ANXA4: variants seen among roughly 807,000 people sequenced by gnomAD.
ANXA4 encodes the protein annexin A4.
ANXA4 carries 39 observed loss-of-function variants against 49.8 expected under a neutral mutation model. That is an observed-to-expected ratio of 0.78 (90% CI 0.61 to 1.02). ANXA4 has a LOEUF of 1.02. Among genes scored for constraint, ANXA4 ranks in the 50% least tolerant of loss-of-function variants. The pLI, the probability that ANXA4 is intolerant of heterozygous loss-of-function variation, is 0.00. For synonymous variants in ANXA4, 134 were observed against 152.5 expected, an observed-to-expected ratio of 0.88 and a Z score of 0.89; for missense variants, 360 against 410.1, an observed-to-expected ratio of 0.88 and a Z score of 1.05.
intron 2 of ANXA4, among the ~76,000 whole-genome samples, chr2:69,681,184 A>G (rs989416271): frequency 1.3e-5 from 2 of 152,054 alleles, no homozygotes; most frequent in Non-Finnish European, 2.9e-5. Flanking sequence ...TTCATTACTC[A>G]TTATTGGTCT....
chr2:69,724,213 A>G lies in ANXA4; in HGVS notation n.864+3342A>G, dbSNP rs553813517. ...TAAGGATACATTTGAGGGTGGGTGT[A>G]CCCATCTTGTGCCCCATCTCCTAGA... On this transcript the variant is annotated intron_variant and non_coding_transcript_variant, in intron 3 of 3. Coordinates refer to the ANXA4 transcript ENST00000418066. Among the ~76,000 whole-genome samples the G allele has an allele frequency of 2.6e-5, 4 of 152,332 alleles. No homozygotes were observed. In the South Asian group the frequency reaches 8.3e-4, roughly 32 times the overall value.
At chr2:69,798,729 A>T (rs1673053865) in intron 3 of ANXA4, among the ~76,000 whole-genome samples, 1 of 152,186 alleles carries the variant, frequency 6.6e-6, no homozygotes, top group South Asian at 2.1e-4. Flanking sequence ...TATTTGAGAG[A>T]ATAAAAACGG....
At chr2:69,747,113 C>G (rs955988576) in intron 1 of ANXA4, among the ~76,000 whole-genome samples, 4 of 151,842 alleles carry the variant, frequency 2.6e-5, no homozygotes, top group Non-Finnish European at 5.9e-5. Flanking sequence ...GAGCAGGAAG[C>G]CCCCCCATGT....
intron 1 of ANXA4, among the ~76,000 whole-genome samples, chr2:69,758,479 G>A (rs1044749100): frequency 4.6e-5 from 7 of 152,176 alleles, no homozygotes; most frequent in Admixed American, 2.6e-4. Flanking sequence ...AAAATTAGCC[G>A]GAAGTGGTGG....
intron 3 of ANXA4, among the ~76,000 whole-genome samples, chr2:69,729,679 A>G (rs1267543312): frequency 1.3e-5 from 2 of 152,250 alleles, no homozygotes; most frequent in Non-Finnish European, 2.9e-5. Flanking sequence ...CCAGAAAGAT[A>G]TCACTTCATA....
chr2:69,706,691 G>T (rs1486930223), intron 2 of ANXA4, among the ~76,000 whole-genome samples: 1 of 152,146 alleles, frequency 6.6e-6, no homozygotes, highest in African/African-American at 2.4e-5. Flanking sequence ...TAGAACAATT[G>T]TGTCTCCATA....
At chr2:69,717,825 A>G (rs561620496) in intron 2 of ANXA4, among the ~76,000 whole-genome samples, 19 of 152,136 alleles carry the variant, frequency 1.2e-4, no homozygotes, top group Middle Eastern at 3.4e-3. Flanking sequence ...CTGGATCCCT[A>G]TGGGCCTTGG....
chr2:69,708,052 A>G (rs1678554173), intron 2 of ANXA4, among the ~76,000 whole-genome samples: 1 of 152,244 alleles, frequency 6.6e-6, no homozygotes, highest in Non-Finnish European at 1.5e-5. Flanking sequence ...AGTGCCCAAC[A>G]TAGAACATAA....
intron 2 of ANXA4, among the ~76,000 whole-genome samples, chr2:69,701,141 T>C (rs10202199): frequency 0.33 from 50,276 of 151,878 alleles, 8,875 homozygotes; most frequent in African/African-American, 0.46. Flanking sequence ...TCCCAAATTG[T>C]GGGGATTACA....
chr2:69,813,766 T>A (rs1321912852), intron 8 of ANXA4, among the ~76,000 whole-genome samples: 1 of 149,254 alleles, frequency 6.7e-6, no homozygotes, highest in East Asian at 1.9e-4. Flanking sequence ...CTCTTTTTTT[T>A]TTTTTTTTTT....
rs1313633114 is a variant in ANXA4, at chr2:69,724,862, T to C, written n.864+3991T>C. On this transcript the variant is annotated intron_variant and non_coding_transcript_variant, in intron 3 of 3. Transcript: ENST00000418066. ...CCTCGCCTAAGTACTGGAAACACTT[T>C]CCTGAGGATGGAATTTGAGAGGAAG... Among the ~76,000 whole-genome samples the C allele has an allele frequency of 2.6e-5, 3 of 117,420 alleles. No homozygotes were observed. The East Asian group carries it at 8.4e-4, about 33-fold the overall frequency. The allele number at this position is 117,420 out of a possible 152,430, so 77.0% of individuals were successfully genotyped here. A position where few individuals can be genotyped will look rare whatever the true frequency, so the allele number is the denominator to read the frequency against.
chr2:69,716,862 G>C (rs1669653981), intron 2 of ANXA4, among the ~76,000 whole-genome samples: 1 of 152,218 alleles, frequency 6.6e-6, no homozygotes, highest in African/African-American at 2.4e-5. Flanking sequence ...TACTAAAAGA[G>C]ATGACAGAGT....
intron 2 of ANXA4, among the ~76,000 whole-genome samples, chr2:69,689,566 C>T (rs921106534): frequency 2.6e-5 from 4 of 152,162 alleles, no homozygotes; most frequent in Non-Finnish European, 4.4e-5. Context: ...GACCCACCAC[C>T]AACCATATGA....
intron 2 of ANXA4, among the ~76,000 whole-genome samples, chr2:69,683,407 A>G (rs1470415983): frequency 6.6e-6 from 1 of 152,196 alleles, no homozygotes; most frequent in Non-Finnish European, 1.5e-5. Context: ...GTCTGCTAAT[A>G]AGATCTCAGT....
At chr2:69,680,790 T>C (rs1488909294) in intron 2 of ANXA4, among the ~76,000 whole-genome samples, 1 of 152,326 alleles carries the variant, frequency 6.6e-6, no homozygotes, top group African/African-American at 2.4e-5. Context: ...ATTCTGTTGA[T>C]GTAATGTATC....
At chr2:69,805,437 C>T (rs1673404201) in intron 4 of ANXA4, among the ~76,000 whole-genome samples, 1 of 151,920 alleles carries the variant, frequency 6.6e-6, no homozygotes, top group Non-Finnish European at 1.5e-5. Context: ...AACCCCGTCT[C>T]TACTAAAAAT....
chr2:69,816,394 A>C, intron 9 of ANXA4, 200 bp downstream of exon 9: 1 of 496,720 alleles, frequency 2.0e-6, no homozygotes, highest in Admixed American at 3.3e-5. Context: ...ATTATGAATA[A>C]TTAGAAAAAG....
intron 2 of ANXA4, among the ~76,000 whole-genome samples, chr2:69,685,024 G>A (rs1328872307): frequency 2.0e-5 from 3 of 152,116 alleles, no homozygotes; most frequent in Non-Finnish European, 4.4e-5. Context: ...AATCGTCAGG[G>A]ATATTTGGGG....
chr2:69,764,709 A>G (rs1264863822), intron 1 of ANXA4, among the ~76,000 whole-genome samples: 2 of 152,246 alleles, frequency 1.3e-5, no homozygotes, highest in Non-Finnish European at 1.5e-5. Flanking sequence ...ATGAAATTTT[A>G]CCATCTTAAA....
Sources: gnomAD v4.1 joint callset for allele counts (sites outside exome capture counted in the v4.1 genomes callset) on GRCh38, gnomAD v4.1.1 for gene constraint, MANE v1.5 for transcripts, NCBI Gene and HGNC (gene_info 2026-07-23, HGNC 2026-07-21) for gene names.